Variants in USO1 observed in about 807,000 individuals in gnomAD.
USO1 encodes the protein USO1 vesicle transport factor.
A neutral mutation model predicts 124.5 loss-of-function variants in USO1; 57 were observed. The observed-to-expected ratio is 0.46, with a 90% confidence interval of 0.37 to 0.57. The LOEUF is 0.57. USO1 is among the 20% of genes least tolerant of loss of function. The probability of loss-of-function intolerance (pLI) is 0.00; values close to 1 mark genes in which losing one functional copy is unlikely to be tolerated. For missense variants in USO1, 900 were observed against 1,040.6 expected, an observed-to-expected ratio of 0.86 and a Z score of 1.86; for synonymous variants, 369 against 362.8, an observed-to-expected ratio of 1.02 and a Z score of -0.19.
At chr4:75,806,140 C>A (rs1427894677) in intron 19 of USO1, among the ~76,000 whole-genome samples, 1 of 152,038 alleles carries the variant, frequency 6.6e-6, no homozygotes, top group Admixed American at 6.6e-5. Context: ...TATAGGTGCA[C>A]GCTGCCACGT....
intron 8 of USO1, among the ~76,000 whole-genome samples, chr4:75,777,108 A>G (rs963362956): frequency 1.8e-4 from 27 of 152,198 alleles, no homozygotes; most frequent in African/African-American, 5.1e-4. Context: ...TCTATCTTTT[A>G]GAATTGTATT....
At chr4:75,728,001 TC>T (rs1720513529) in intron 1 of USO1, among the ~76,000 whole-genome samples, 1 of 152,186 alleles carries the variant, frequency 6.6e-6, no homozygotes, top group Non-Finnish European at 1.5e-5. Context: ...TCTTTGTTTT[TC>T]CACAGTAGTA....
chr4:75,746,598 A>G (rs1721133611), intron 1 of USO1, among the ~76,000 whole-genome samples: 1 of 152,264 alleles, frequency 6.6e-6, no homozygotes, highest in South Asian at 2.1e-4. Flanking sequence ...GGTTTGGAAC[A>G]TAAGTAATAT....
chr4:75,808,880 G>T, intron 20 of USO1, 73 bp from the exon 21 acceptor site: 2 of 1,449,244 alleles, frequency 1.4e-6, no homozygotes, highest in Non-Finnish European at 1.8e-6. Flanking sequence ...TTTTTTAAAT[G>T]TCTCCCTGTA....
At position 75,782,831 on chromosome 4, in the gene USO1, A is replaced by G; in HGVS notation, c.828A>G (p.Lys276=). 1 of 1,604,552 alleles carries G rather than the reference A, an allele frequency of 6.2e-7. No homozygotes were observed. Among genetic ancestry groups the G allele is most frequent in the Non-Finnish European group, 8.5e-7 (1 of 1,177,398 alleles). Residue 276 remains lysine, a synonymous_variant, in exon 9 of 24, where the codon AAA becomes AAG. Transcript: ENST00000514213. ...AAAATTCTGGCTGGTCTGCACAGAA[A>G]GTGACCAATCTACATCTAATGCTAC... ...GDENSGWSAQ[K]VTNLHLMLQL...
At position 75,728,553 on chromosome 4, in the gene USO1, G is replaced by A. The variant is rs142523446; in HGVS notation, c.66+3668G>A. On this transcript the variant is annotated intron_variant, in intron 1 of 23. Transcript: ENST00000514213. ...TAATCTCAGCTACTCAGGAGGCTGA[G>A]GCAGGAGAATCGAGGCGGTGGTTGG... is the stretch of plus-strand genomic sequence containing the variant. 6.8e-3 allele frequency among the ~76,000 whole-genome samples: 1,042 copies of A among 152,288 alleles called. 20 individuals are homozygous for A. Among genetic ancestry groups the A allele is most frequent in the African/African-American group, 0.024 (1,004 of 41,560 alleles).
intron 1 of USO1, among the ~76,000 whole-genome samples, chr4:75,743,285 G>A (rs1290786759): frequency 1.3e-5 from 2 of 152,054 alleles, no homozygotes; most frequent in Non-Finnish European, 2.9e-5. Context: ...ATGCCTGGCC[G>A]AATAAGTGTT....
intron 8 of USO1, among the ~76,000 whole-genome samples, chr4:75,779,231 A>G (rs1357758967): frequency 2.0e-5 from 3 of 151,918 alleles, no homozygotes; most frequent in Non-Finnish European, 4.4e-5. Context: ...GGGCCTCCCT[A>G]TTCCCTGAGA....
intron 4 of USO1, 47 bp downstream of exon 4, chr4:75,757,620 C>T: frequency 7.5e-7 from 1 of 1,336,778 alleles, no homozygotes; most frequent in South Asian, 1.9e-5. Flanking sequence ...TTAAAACCAA[C>T]TGGGTTGTGC....
At chr4:75,804,482 A>G (rs1201139791) in intron 18 of USO1, among the ~76,000 whole-genome samples, 1 of 152,194 alleles carries the variant, frequency 6.6e-6, no homozygotes, top group African/African-American at 2.4e-5. Flanking sequence ...GCTTCTTGCT[A>G]CCTGTTTATC....
chr4:75,729,315 A>G (rs1328754404), intron 1 of USO1, among the ~76,000 whole-genome samples: 4 of 151,540 alleles, frequency 2.6e-5, no homozygotes, highest in Non-Finnish European at 5.9e-5. Context: ...TTAGTGTTAT[A>G]TCTGCCTTCT....
intron 4 of USO1, among the ~76,000 whole-genome samples, chr4:75,764,023 T>G (rs777045656): frequency 6.6e-6 from 1 of 152,178 alleles, no homozygotes; most frequent in Non-Finnish European, 1.5e-5. Flanking sequence ...TTAAAAGAAA[T>G]GGCGTATATC....
chr4:75,757,987 A>G (rs1383304903), intron 4 of USO1, among the ~76,000 whole-genome samples: 1 of 152,138 alleles, frequency 6.6e-6, no homozygotes, highest in Non-Finnish European at 1.5e-5. Flanking sequence ...ACTTATGTTA[A>G]TTTATAAAGT....
chr4:75,795,186 A>G (rs1722643103), intron 13 of USO1: 1 of 581,320 alleles, frequency 1.7e-6, no homozygotes, highest in African/African-American at 1.9e-5. Flanking sequence ...TTTTTATTGT[A>G]TAAAAGAAGT....
chr4:75,801,157 A>G lies in USO1; in HGVS notation c.1943A>G (p.His648Arg), dbSNP rs1016637892. 54 of 1,611,414 alleles carry G rather than the reference A, an allele frequency of 3.4e-5. No individual in the cohort carries two copies. Among genetic ancestry groups the G allele is most frequent in the Non-Finnish European group, 4.5e-5 (53 of 1,178,898 alleles). ...EEEVKKTLEQ[H>R]DNIVTHYKNM... Reference sequence around the variant, plus strand: ...GAGGTGAAAAAAACATTAGAACAGCATGACAATATTGTGACTCACTACAAA... The same window carrying G: ...GAGGTGAAAAAAACATTAGAACAGCGTGACAATATTGTGACTCACTACAAA... The change falls in exon 17 of 24, where the codon CAT (histidine) becomes CGT (arginine). Residue 648 changes from histidine (H) to arginine (R), a missense_variant. Transcript: ENST00000514213.
intron 1 of USO1, among the ~76,000 whole-genome samples, chr4:75,726,281 C>CAAA (rs1182405273): frequency 9.3e-4 from 70 of 75,382 alleles, no homozygotes; most frequent in South Asian, 7.9e-3. Flanking sequence ...AACTCTGTCT[C>CAAA]AAAAAAAAAA....
chr4:75,779,237 T>G (rs1311559087), intron 8 of USO1, among the ~76,000 whole-genome samples: 1 of 152,128 alleles, frequency 6.6e-6, no homozygotes, highest in Non-Finnish European at 1.5e-5. Flanking sequence ...CCCTATTCCC[T>G]GAGACATAAC....
chr4:75,725,057 GC>G, intron 1 of USO1, 172 bp downstream of exon 1: 2 of 721,868 alleles, frequency 2.8e-6, no homozygotes, highest in Non-Finnish European at 4.6e-6. Flanking sequence ...ATTCAATCAC[GC>G]CCCCAGCTCA....
intron 1 of USO1, among the ~76,000 whole-genome samples, chr4:75,736,976 A>T (rs937508581): frequency 1.2e-4 from 19 of 152,176 alleles, no homozygotes; most frequent in Non-Finnish European, 1.0e-4. Context: ...GGGAGGTTCA[A>T]TGTAGCTGGT....
Sources: allele counts gnomAD v4.1 joint callset (sites outside exome capture counted in the v4.1 genomes callset), GRCh38; gene constraint gnomAD v4.1.1; transcripts MANE v1.5; gene names NCBI Gene and HGNC (gene_info 2026-07-23, HGNC 2026-07-21).